FMN2: variants seen among roughly 807,000 people sequenced by gnomAD.
FMN2 encodes the protein formin 2, also known as formin-2.
FMN2 carries 51 observed loss-of-function variants against 142.3 expected under a neutral mutation model. That is an observed-to-expected ratio of 0.36 (90% CI 0.29 to 0.45). FMN2 has a LOEUF of 0.45. Among genes scored for constraint, FMN2 ranks in the 20% least tolerant of loss-of-function variants. The probability of loss-of-function intolerance (pLI) is 1.00; values close to 1 mark genes in which losing one functional copy is unlikely to be tolerated. For synonymous variants in FMN2, 882 were observed against 869.8 expected (o/e 1.01, Z -0.25); for missense variants, 1,936 against 2,122.8 (o/e 0.91, Z 1.73).
intron 11 of FMN2, among the ~76,000 whole-genome samples, chr1:240,331,208 A>G (rs1572201674): frequency 6.6e-6 from 1 of 152,118 alleles, no homozygotes; most frequent in Non-Finnish European, 1.5e-5. Context: ...AATGGCTTGT[A>G]AACAAAATAT....
At chr1:240,258,819 A>C (rs1668533706) in intron 7 of FMN2, among the ~76,000 whole-genome samples, 1 of 152,196 alleles carries the variant, frequency 6.6e-6, no homozygotes, top group Non-Finnish European at 1.5e-5. Context: ...GCTGACTAGA[A>C]CCTAAGAATA....
chr1:240,199,998 G>A (rs1666068035), intron 4 of FMN2, among the ~76,000 whole-genome samples: 1 of 152,182 alleles, frequency 6.6e-6, no homozygotes, highest in African/African-American at 2.4e-5. Flanking sequence ...GAAAACTGTA[G>A]AAGGCTAAAG....
chr1:240,294,718 C>G (rs1156307843), intron 7 of FMN2, 104 bp from the exon 8 acceptor site: 4 of 993,944 alleles, frequency 4.0e-6, no homozygotes, highest in African/African-American at 3.2e-5. Context: ...AGTTAAAGCC[C>G]CTGCTCCCTC....
rs1214942228 is a variant in FMN2, at chr1:240,206,981, C to T, written c.2169C>T (p.Leu723=). The T allele has an allele frequency of 2.7e-5, 44 of 1,614,006 alleles. No homozygotes were observed. Among genetic ancestry groups the T allele is most frequent in the Non-Finnish European group, 3.3e-5 (39 of 1,180,026 alleles). ...TGACAGCCTCAGGCGATGTCTGTCT[C>T]GAAGCTCTCAGGTTAGAAGAAAAGG... ...NGVTASGDVC[L]EALRLEEKEV... Residue 723 remains leucine, a synonymous_variant, in exon 5 of 18, where the codon CTC becomes CTT. Coordinates refer to ENST00000319653, the MANE Select transcript of FMN2 (RefSeq NM_020066.5).
chr1:240,340,544 G>A (rs1671711750), intron 13 of FMN2, among the ~76,000 whole-genome samples: 1 of 152,122 alleles, frequency 6.6e-6, no homozygotes, highest in Non-Finnish European at 1.5e-5. Flanking sequence ...TTGTACCACT[G>A]CACTCCAGCC....
chr1:240,123,140 C>G (rs1662350044), intron 1 of FMN2, 39 bp from the exon 2 acceptor site: 2 of 1,609,170 alleles, frequency 1.2e-6, no homozygotes, highest in South Asian at 1.1e-5. Context: ...GCCAGGTGAT[C>G]GGCAGTGCTC....
intron 2 of FMN2, among the ~76,000 whole-genome samples, chr1:240,172,190 A>G (rs1026698676): frequency 2.1e-5 from 3 of 144,744 alleles, no homozygotes; most frequent in East Asian, 2.0e-4. Flanking sequence ...GTGAAATATT[A>G]CACATACACA....
At chr1:240,284,016 A>T (rs1454008674) in intron 7 of FMN2, among the ~76,000 whole-genome samples, 1 of 152,116 alleles carries the variant, frequency 6.6e-6, no homozygotes, top group Non-Finnish European at 1.5e-5. Flanking sequence ...TGTGAAAGTG[A>T]TGGCTGGTAC....
At chr1:240,464,563 C>T (rs1331351344) in intron 16 of FMN2, among the ~76,000 whole-genome samples, 1 of 152,106 alleles carries the variant, frequency 6.6e-6, no homozygotes, top group African/African-American at 2.4e-5. Context: ...ATCTAATTGT[C>T]AAGGAGTCCT....
At chr1:240,324,384 G>A (rs1045129112) in intron 8 of FMN2, among the ~76,000 whole-genome samples, 1 of 152,150 alleles carries the variant, frequency 6.6e-6, no homozygotes, top group Non-Finnish European at 1.5e-5. Flanking sequence ...AAGGCCAGGC[G>A]CAGAGGCTCA....
At chr1:240,447,721 G>A (rs1675875165) in intron 16 of FMN2, among the ~76,000 whole-genome samples, 1 of 152,216 alleles carries the variant, frequency 6.6e-6, no homozygotes, top group African/African-American at 2.4e-5. Context: ...ACAGAGGGAG[G>A]AAAATGGAGA....
chr1:240,116,550 T>G, intron 1 of FMN2, among the ~76,000 whole-genome samples: 1 of 119,874 alleles, frequency 8.3e-6, no homozygotes, highest in Non-Finnish European at 2.0e-5. Flanking sequence ...GGAGTAGGAG[T>G]AAATCAACAG....
chr1:240,336,908 G>A (rs971200018), intron 13 of FMN2, among the ~76,000 whole-genome samples: 2 of 151,702 alleles, frequency 1.3e-5, no homozygotes, highest in African/African-American at 2.4e-5. Flanking sequence ...TCAATTTGGG[G>A]TTTTCCATGA....
intron 2 of FMN2, chr1:240,143,233 C>T: frequency 1.3e-6 from 2 of 1,588,904 alleles, no homozygotes; most frequent in African/African-American, 1.3e-5. Flanking sequence ...TTATAGGAAA[C>T]TTCTGGATCA....
At chr1:240,143,384 C>T (rs973671068) in intron 2 of FMN2, 97 of 1,431,310 alleles carry the variant, frequency 6.8e-5, no homozygotes, top group Middle Eastern at 1.8e-4. Flanking sequence ...GCCGTCTCTG[C>T]ACCAATCTCC....
intron 6 of FMN2, among the ~76,000 whole-genome samples, chr1:240,218,336 G>C: frequency 6.6e-6 from 1 of 150,824 alleles, no homozygotes; most frequent in East Asian, 1.9e-4. Flanking sequence ...GTACAAGAAA[G>C]GGGTATTAAT....
At chr1:240,468,060 GT>G (rs1313229833) in intron 16 of FMN2, among the ~76,000 whole-genome samples, 3 of 152,076 alleles carry the variant, frequency 2.0e-5, no homozygotes, top group Non-Finnish European at 1.5e-5. Flanking sequence ...CTAATTAGAA[GT>G]TGCAACTGTT....
chr1:240,166,583 C>G (rs1373189315), intron 2 of FMN2, among the ~76,000 whole-genome samples: 1 of 152,160 alleles, frequency 6.6e-6, no homozygotes, highest in Non-Finnish European at 1.5e-5. Context: ...CACTTGGCAA[C>G]ATACCATAAA....
chr1:240,171,103 C>T (rs1347544530), intron 2 of FMN2: 31 of 1,440,406 alleles, frequency 2.2e-5, no homozygotes, highest in African/African-American at 9.8e-5. Context: ...GGTAACAGGT[C>T]GCACATGGAA....
Sources: gnomAD v4.1 joint callset for allele counts (sites outside exome capture counted in the v4.1 genomes callset) on GRCh38, gnomAD v4.1.1 for gene constraint, MANE v1.5 for transcripts, NCBI Gene and HGNC (gene_info 2026-07-23, HGNC 2026-07-21) for gene names.